CTNNA3: variants seen among roughly 807,000 people sequenced by gnomAD.
CTNNA3 encodes the protein catenin alpha 3.
A neutral mutation model predicts 95.7 loss-of-function variants in CTNNA3; 76 were observed. That is an observed-to-expected ratio of 0.79 (90% CI 0.66 to 0.96). The LOEUF (loss-of-function observed/expected upper bound fraction) is 0.96. Ranked by LOEUF, CTNNA3 falls within the 40% of genes least tolerant of loss-of-function variation. CTNNA3 has a pLI of 0.00. For synonymous variants in CTNNA3, 431 were observed against 374.4 expected, an observed-to-expected ratio of 1.15 and a Z score of -1.74; for missense variants, 1,191 against 1,089.8, an observed-to-expected ratio of 1.09 and a Z score of -1.31.
At chr10:67,294,912 G>C (rs1589135358) in intron 5 of CTNNA3, among the ~76,000 whole-genome samples, 1 of 152,270 alleles carries the variant, frequency 6.6e-6, no homozygotes, top group African/African-American at 2.4e-5. Context: ...TAATGACTAC[G>C]ATATATTGCT....
intron 7 of CTNNA3, among the ~76,000 whole-genome samples, chr10:66,966,963 A>G (rs998371430): frequency 6.6e-6 from 1 of 152,024 alleles, no homozygotes; most frequent in African/African-American, 2.4e-5. Context: ...TTGTATTTGG[A>G]TATCATGGCC....
At chr10:67,744,822 C>T (rs1043379709) in intron 1 of CTNNA3, among the ~76,000 whole-genome samples, 5 of 151,966 alleles carry the variant, frequency 3.3e-5, no homozygotes, top group East Asian at 1.9e-4. Flanking sequence ...AACAAACAAC[C>T]CCATCAAAAA....
At chr10:67,019,007 G>A (rs1852827061) in intron 7 of CTNNA3, among the ~76,000 whole-genome samples, 1 of 152,156 alleles carries the variant, frequency 6.6e-6, no homozygotes, top group Non-Finnish European at 1.5e-5. Flanking sequence ...TATCTTGAGA[G>A]CAGGAATTAG....
chr10:67,277,409 G>T (rs1839221694), intron 5 of CTNNA3, among the ~76,000 whole-genome samples: 1 of 152,174 alleles, frequency 6.6e-6, no homozygotes, highest in Non-Finnish European at 1.5e-5. Context: ...CTAGAGGAAA[G>T]GTAGTCAGAA....
rs548100500 is a variant in CTNNA3, at chr10:67,108,641, A to T, written c.1047+71676T>A. ...TTGGGTTTGCTGAAAATCAGAAAAG[A>T]CCTCACAGAGTAAATGCTACTTGAG... On this transcript the variant is annotated intron_variant, in intron 7 of 17. Coordinates refer to ENST00000433211, the MANE Select transcript of CTNNA3 (RefSeq NM_013266.4). Among the ~76,000 whole-genome samples, 23 of 152,308 alleles carry T rather than the reference A, an allele frequency of 1.5e-4. No individual in the cohort carries two copies. The East Asian group carries it at 4.4e-3, about 29-fold the overall frequency.
intron 12 of CTNNA3, among the ~76,000 whole-genome samples, chr10:66,312,778 C>T (rs965797091): frequency 6.6e-6 from 1 of 152,060 alleles, no homozygotes; most frequent in Non-Finnish European, 1.5e-5. Flanking sequence ...ATCTCCTGAC[C>T]TCGTGATACA....
chr10:66,971,621 C>G (rs193215342), intron 7 of CTNNA3, among the ~76,000 whole-genome samples: 90 of 152,082 alleles, frequency 5.9e-4, no homozygotes, highest in African/African-American at 2.0e-3. Flanking sequence ...AGTAGAGTGC[C>G]CACTTAGAGT....
chr10:66,054,983 T>A (rs889565406), intron 15 of CTNNA3, among the ~76,000 whole-genome samples: 10 of 152,196 alleles, frequency 6.6e-5, no homozygotes, highest in Non-Finnish European at 1.3e-4. Flanking sequence ...GATACTCTCC[T>A]TTTCCCAATG....
intron 17 of CTNNA3, among the ~76,000 whole-genome samples, chr10:65,935,874 T>C (rs1293418757): frequency 6.6e-6 from 1 of 152,162 alleles, no homozygotes; most frequent in African/African-American, 2.4e-5. Context: ...TGGATAATGA[T>C]ATGACCAAGC....
At chr10:67,084,568 C>T (rs143887004) in intron 7 of CTNNA3, among the ~76,000 whole-genome samples, 125 of 152,018 alleles carry the variant, frequency 8.2e-4, no homozygotes, top group African/African-American at 2.9e-3. Flanking sequence ...ATTTCCTGAT[C>T]CTACATTAGA....
rs73314114 is a variant in CTNNA3, at chr10:66,980,377, T to C, written c.1047+199940A>G. On this transcript the variant is annotated intron_variant, in intron 7 of 17. Transcript: ENST00000433211. Reference sequence around the variant, plus strand: ...TGCTTGCTCTGTTAGCAGCAAACTATATAGGGAAGCCATCTTCTGGCTCAC... The same window carrying C: ...TGCTTGCTCTGTTAGCAGCAAACTACATAGGGAAGCCATCTTCTGGCTCAC... Among the ~76,000 whole-genome samples, 1,132 of 152,240 alleles carry C rather than the reference T, an allele frequency of 7.4e-3. 15 individuals carry two copies. The highest frequency in any genetic ancestry group is 0.026 in the African/African-American group (1,076 of 41,534).
intron 10 of CTNNA3, among the ~76,000 whole-genome samples, chr10:66,547,525 G>A (rs945945567): frequency 1.3e-5 from 2 of 151,012 alleles, no homozygotes; most frequent in Non-Finnish European, 2.9e-5. Context: ...TGTATTTTTA[G>A]TAGAGACGGG....
intron 9 of CTNNA3, among the ~76,000 whole-genome samples, chr10:66,648,825 A>G (rs2394266): frequency 0.66 from 100,105 of 151,850 alleles, 33,910 homozygotes; most frequent in East Asian, 0.95. Flanking sequence ...TATATATTAC[A>G]TAGTGGTTTA....
At chr10:66,948,836 T>G (rs1418781890) in intron 7 of CTNNA3, among the ~76,000 whole-genome samples, 1 of 152,160 alleles carries the variant, frequency 6.6e-6, no homozygotes, top group Non-Finnish European at 1.5e-5. Context: ...CATAAAGCAG[T>G]CCAATATAAT....
At chr10:67,230,567 T>C (rs1372576061) in intron 5 of CTNNA3, among the ~76,000 whole-genome samples, 1 of 152,002 alleles carries the variant, frequency 6.6e-6, no homozygotes, top group Non-Finnish European at 1.5e-5. Context: ...ATATCCAGAA[T>C]CTACAATGAA....
chr10:66,954,205 C>T (rs983080541), intron 7 of CTNNA3, among the ~76,000 whole-genome samples: 2 of 152,114 alleles, frequency 1.3e-5, no homozygotes, highest in African/African-American at 4.8e-5. Flanking sequence ...TTTCTTAATA[C>T]ATTTCAGTAT....
At chr10:67,646,870 G>A (rs1186498216) in intron 2 of CTNNA3, among the ~76,000 whole-genome samples, 1 of 152,082 alleles carries the variant, frequency 6.6e-6, no homozygotes, top group Non-Finnish European at 1.5e-5. Flanking sequence ...AAAAAAGTCA[G>A]AGAATCATTA....
At position 66,910,445 on chromosome 10, in the gene CTNNA3, G is replaced by A. The variant is rs1355722226; in HGVS notation, c.1048-134921C>T. On this transcript the variant is annotated intron_variant, in intron 7 of 17. Coordinates refer to ENST00000433211, the MANE Select transcript of CTNNA3 (RefSeq NM_013266.4). ...AACCATCACTTCTGCTGGAAACTTA[G>A]GGTGATCACCTTTTCCTAGAATAGC... 2.6e-5 allele frequency among the ~76,000 whole-genome samples: 4 copies of A among 152,190 alleles called. No individual in the cohort carries two copies. The East Asian group carries it at 7.7e-4, about 29-fold the overall frequency.
At chr10:66,015,114 T>A (rs2079069529) in intron 15 of CTNNA3, among the ~76,000 whole-genome samples, 1 of 151,162 alleles carries the variant, frequency 6.6e-6, no homozygotes, top group South Asian at 2.1e-4. Flanking sequence ...AAAATAATAA[T>A]AATAATAATA....
Sources: allele counts gnomAD v4.1 joint callset (sites outside exome capture counted in the v4.1 genomes callset), GRCh38; gene constraint gnomAD v4.1.1; transcripts MANE v1.5; gene names NCBI Gene and HGNC (gene_info 2026-07-23, HGNC 2026-07-21).